The following ARFGEF1 variants were observed in gnomAD, a reference collection of about 807,000 sequenced individuals.
ARFGEF1 encodes ARF guanine nucleotide exchange factor 1, also known as brefeldin A-inhibited guanine nucleotide-exchange protein 1.
Under a neutral mutation model 231.0 loss-of-function variants are expected in ARFGEF1, and 42 were observed. The ratio of observed to expected loss-of-function variants is 0.18; its 90% CI spans 0.14 to 0.24. ARFGEF1 has a LOEUF of 0.24. Ranked by LOEUF, ARFGEF1 falls within the 10% of genes least tolerant of loss-of-function variation. The pLI, the probability that ARFGEF1 is intolerant of heterozygous loss-of-function variation, is 1.00. For synonymous variants in ARFGEF1, 710 were observed against 732.3 expected (o/e 0.97, Z 0.49); for missense variants, 1,345 against 2,192.0 (o/e 0.61, Z 7.72).
chr8:67,197,009 T>TTTTG (rs1270794217), downstream of ARFGEF1, among the ~76,000 whole-genome samples: 2 of 152,016 alleles, frequency 1.3e-5, no homozygotes, highest in African/African-American at 4.8e-5. Flanking sequence ...CACGTTCCCT[T>TTTTG]TTTGTTTAAT....
chr8:67,218,109 A>G lies in ARFGEF1; in HGVS notation c.4368T>C (p.Asn1456=). 6.5e-7 allele frequency: 1 copy of G among 1,534,914 alleles called. No individual in the cohort carries two copies. Among genetic ancestry groups the G allele is most frequent in the Non-Finnish European group, 8.8e-7 (1 of 1,138,412 alleles). Residue 1456 remains asparagine (N), a synonymous_variant, in exon 31 of 39, where the codon AAT becomes AAC. Transcript: ENST00000262215. ...EKAEWMTTTC[N]HALYAICDVF... Reference sequence around the variant, plus strand: ...CATCACAGATTGCATAAAGTGCATGATTGCAAGTTGTTGTCATCCATTCAG... The same window carrying G: ...CATCACAGATTGCATAAAGTGCATGGTTGCAAGTTGTTGTCATCCATTCAG...
intron 29 of ARFGEF1, among the ~76,000 whole-genome samples, chr8:67,223,783 C>T (rs1420116337): frequency 6.6e-6 from 1 of 152,132 alleles, no homozygotes; most frequent in Non-Finnish European, 1.5e-5. Context: ...GTTTTCATGA[C>T]CTGCTAGTCA....
chr8:67,252,835 T>C (rs930145314), intron 18 of ARFGEF1, among the ~76,000 whole-genome samples: 7 of 152,274 alleles, frequency 4.6e-5, no homozygotes, highest in Middle Eastern at 3.4e-3. Flanking sequence ...CACCTGATCC[T>C]AAACCTCCCC....
chr8:67,198,004 A>G lies in ARFGEF1; in HGVS notation c.*930T>C. On this transcript the variant is annotated 3_prime_UTR_variant, in exon 39 of 39. Coordinates refer to ENST00000262215, the MANE Select transcript of ARFGEF1 (RefSeq NM_006421.5). ...AATCTACATCAAGCCCCACCACCCAAAAGAAAAGAAAATGACAGCAATCTG... is the reference window on the plus strand; with the variant it reads ...AATCTACATCAAGCCCCACCACCCAGAAGAAAAGAAAATGACAGCAATCTG... The G allele has an allele frequency of 1.0e-6, 1 of 985,850 alleles. No individual in the cohort carries two copies. The highest frequency in any genetic ancestry group is 1.2e-6 in the Non-Finnish European group (1 of 829,908). The allele number at this position is 985,850 out of a possible 1,614,324, so 61.1% of individuals were successfully genotyped here. A position where few individuals can be genotyped will look rare whatever the true frequency, so the allele number is the denominator to read the frequency against.
chr8:67,292,564 T>G (rs749560762), intron 5 of ARFGEF1, among the ~76,000 whole-genome samples: 1 of 152,172 alleles, frequency 6.6e-6, no homozygotes, highest in Non-Finnish European at 1.5e-5. Flanking sequence ...TTATGTCACC[T>G]TGTCAAATAT....
In ARFGEF1 at chr8:67,296,617, G is replaced by T; in HGVS notation, c.460-7C>A. On this transcript the variant is annotated splice_region_variant and splice_polypyrimidine_tract_variant and intron_variant, in intron 4 of 38. Coordinates refer to ENST00000262215, the MANE Select transcript of ARFGEF1 (RefSeq NM_006421.5). ...TTACTGCAGTAAGTAAAGCCTTTAA[G>T]AAAAAAAAAGGAAAAAGTTAAAGAG... 2 of 1,461,752 alleles carry T rather than the reference G, an allele frequency of 1.4e-6. No homozygotes were observed. Among genetic ancestry groups the T allele is most frequent in the Non-Finnish European group, 1.8e-6 (2 of 1,089,594 alleles). The allele number at this position is 1,461,752 out of a possible 1,614,324, so 90.5% of individuals were successfully genotyped here. A position where few individuals can be genotyped will look rare whatever the true frequency, so the allele number is the denominator to read the frequency against.
At position 67,267,619 on chromosome 8, in the gene ARFGEF1, T is replaced by G. The variant is rs957886816; in HGVS notation, c.1573-177A>C. ...ACTAAAATATCTTGGGTAAGTGACT[T>G]AAACTTGCCCTTCTAGTTATCAGTA... On this transcript the variant is annotated intron_variant, in intron 10 of 38. Transcript: ENST00000262215. Among the ~76,000 whole-genome samples, 4 of 152,208 alleles carry G rather than the reference T, an allele frequency of 2.6e-5. No individual in the cohort carries two copies. In the East Asian group the frequency reaches 7.7e-4, roughly 29 times the overall value.
chr8:67,201,950 C>T, intron 36 of ARFGEF1: 1 of 295,032 alleles, frequency 3.4e-6, no homozygotes, highest in Non-Finnish European at 6.4e-6. Context: ...ACTGCTCTGT[C>T]AGAGGTCTGA....
intron 10 of ARFGEF1, among the ~76,000 whole-genome samples, chr8:67,269,339 T>C (rs1328240430): frequency 6.6e-6 from 1 of 150,662 alleles, no homozygotes; most frequent in Non-Finnish European, 1.5e-5. Context: ...CTGGGCTTTC[T>C]CCACGTTCAG....
rs764704099 is a variant in ARFGEF1, at chr8:67,200,483, G to A, written c.5298C>T (p.Leu1766=). ...NVCSEALSYF[L]TLTSESHREA... is the part of the protein sequence containing the mutation. ...CTCGATGACTTTCTGATGTTAGAGT[G>A]AGGAAGTAACTTAGTGCTTCACTGC... Residue 1766 remains leucine, a synonymous_variant, in exon 38 of 39, where the codon CTC becomes CTT. Transcript: ENST00000262215. The A allele has an allele frequency of 6.2e-7, 1 of 1,604,580 alleles. No individual in the cohort carries two copies. Among genetic ancestry groups the A allele is most frequent in the East Asian group, 2.2e-5 (1 of 44,838 alleles).
intron 2 of ARFGEF1, among the ~76,000 whole-genome samples, chr8:67,301,982 G>A (rs1806512120): frequency 6.6e-6 from 1 of 152,076 alleles, no homozygotes; most frequent in Non-Finnish European, 1.5e-5. Context: ...CGAGGTGCGT[G>A]GGTCACTTGA....
intron 5 of ARFGEF1, among the ~76,000 whole-genome samples, chr8:67,178,619 G>C (rs1418783418): frequency 6.6e-6 from 1 of 152,166 alleles, no homozygotes; most frequent in Non-Finnish European, 1.5e-5. Flanking sequence ...AGTGGGCATG[G>C]GGGCTCACTG....
At chr8:67,236,582 C>T (rs577772484) in intron 22 of ARFGEF1, among the ~76,000 whole-genome samples, 5 of 151,842 alleles carry the variant, frequency 3.3e-5, no homozygotes, top group Non-Finnish European at 7.4e-5. Context: ...TCCAACGGGA[C>T]GGCCCAACGG....
rs1034340337 is a variant in ARFGEF1, at chr8:67,219,049, C to T, written c.4338+382G>A. On this transcript the variant is annotated intron_variant, in intron 30 of 38. Transcript: ENST00000262215. ...TGGCGCGATCTCAGCTCACAGCAAC[C>T]TCCACCTCCCGGGTTCAAACAATTC... Among the ~76,000 whole-genome samples, 28 of 152,204 alleles carry T rather than the reference C, an allele frequency of 1.8e-4. 1 individual carries two copies. Among genetic ancestry groups the T allele is most frequent in the Non-Finnish European group, 1.5e-5 (1 of 68,036 alleles).
At chr8:67,282,679 C>G (rs1284526718) in intron 7 of ARFGEF1, among the ~76,000 whole-genome samples, 2 of 151,778 alleles carry the variant, frequency 1.3e-5, no homozygotes, top group Non-Finnish European at 2.9e-5. Context: ...AACCCCGTCT[C>G]TACCAAAAAA....
At chr8:67,227,014 C>A in intron 27 of ARFGEF1, 123 bp downstream of exon 27, 1 of 836,346 alleles carries the variant, frequency 1.2e-6, no homozygotes, top group East Asian at 2.6e-5. Flanking sequence ...TACTCTGGTT[C>A]TGTAGACAAA....
At chr8:67,175,406 A>G (rs1427566627), downstream of ARFGEF1, 2 of 1,614,208 alleles carry the variant, frequency 1.2e-6, no homozygotes, top group Non-Finnish European at 1.7e-6. Flanking sequence ...GAAGAGGCTG[A>G]ACAGAATAAA....
At chr8:67,306,775 T>C (rs1367123709) in intron 1 of ARFGEF1, among the ~76,000 whole-genome samples, 1 of 152,158 alleles carries the variant, frequency 6.6e-6, no homozygotes, top group Admixed American at 6.5e-5. Context: ...TTTTGTTTGT[T>C]TGTTTTGCTT....
At chr8:67,278,708 C>T (rs545281005) in intron 7 of ARFGEF1, among the ~76,000 whole-genome samples, 19 of 151,978 alleles carry the variant, frequency 1.3e-4, no homozygotes, top group Non-Finnish European at 2.4e-4. Flanking sequence ...AAGCTGGGCA[C>T]GGTGGCGGGT....
Sources: allele counts gnomAD v4.1 joint callset (sites outside exome capture counted in the v4.1 genomes callset), GRCh38; gene constraint gnomAD v4.1.1; transcripts MANE v1.5; gene names NCBI Gene and HGNC (gene_info 2026-07-23, HGNC 2026-07-21).